Variants in NXPH2 observed in about 807,000 individuals in gnomAD.
NXPH2 encodes the protein neurexophilin-2.
In NXPH2, 5 loss-of-function variants were observed where a neutral mutation model predicts 19.8. That is an observed-to-expected ratio of 0.25 (90% CI 0.13 to 0.53). The LOEUF is 0.53. Among genes scored for constraint, NXPH2 ranks in the 20% least tolerant of loss-of-function variants. The pLI is 0.96. For missense variants in NXPH2, 289 were observed against 322.8 expected, an observed-to-expected ratio of 0.90 and a Z score of 0.80; for synonymous variants, 154 against 127.4, an observed-to-expected ratio of 1.21 and a Z score of -1.41.
At position 138,721,468 on chromosome 2, in the gene NXPH2, G is replaced by T. The variant is rs1235280687; in HGVS notation, c.52-49803C>A. 1.1e-4 allele frequency among the ~76,000 whole-genome samples: 16 copies of T among 150,340 alleles called. No homozygotes were observed. The South Asian group carries it at 3.2e-3, about 30-fold the overall frequency. ...TCATGATTTTATATTATAGAAGTTT[G>T]TTTTTTTTTAATGGAGCAAAATAAT... On this transcript the variant is annotated intron_variant, in intron 1 of 1. Transcript: ENST00000272641.
intron 1 of NXPH2, among the ~76,000 whole-genome samples, chr2:138,680,496 G>A (rs1680560307): frequency 6.6e-6 from 1 of 152,204 alleles, no homozygotes; most frequent in Admixed American, 6.5e-5. Flanking sequence ...GTACACTGCT[G>A]AGCAGGACAG....
chr2:138,775,819 G>A (rs553789588), intron 1 of NXPH2, among the ~76,000 whole-genome samples: 5 of 152,036 alleles, frequency 3.3e-5, no homozygotes, highest in South Asian at 2.1e-4. Flanking sequence ...TTTTAAAGCC[G>A]TTTTGAAATA....
intron 1 of NXPH2, among the ~76,000 whole-genome samples, chr2:138,712,676 C>A (rs980097340): frequency 9.2e-5 from 14 of 152,184 alleles, no homozygotes; most frequent in African/African-American, 3.4e-4. Context: ...CCCCTCACCC[C>A]CTTCCTATGT....
chr2:138,743,169 T>C (rs1335206954), intron 1 of NXPH2, among the ~76,000 whole-genome samples: 2 of 152,212 alleles, frequency 1.3e-5, no homozygotes. Flanking sequence ...GCAGTTAGCC[T>C]GCATTAATTA....
In NXPH2 at chr2:138,670,863, T is replaced by C; in HGVS notation, c.*59A>G. On this transcript the variant is annotated 3_prime_UTR_variant, in exon 2 of 2. Transcript: ENST00000272641. The stretch of plus-strand genomic sequence containing the variant: ...CCTTTATCATAAAGAGCTGGGCTTG[T>C]TTCTTTGTCATTCTAATCAAATACA... The C allele has an allele frequency of 6.5e-7, 1 of 1,528,748 alleles. No individual in the cohort carries two copies. Among genetic ancestry groups the C allele is most frequent in the African/African-American group, 1.4e-5 (1 of 72,680 alleles). The allele number at this position is 1,528,748 out of a possible 1,614,324, so 94.7% of individuals were successfully genotyped here. A position where few individuals can be genotyped will look rare whatever the true frequency, so the allele number is the denominator to read the frequency against.
At chr2:138,755,932 C>T (rs1181867672) in intron 1 of NXPH2, among the ~76,000 whole-genome samples, 2 of 151,486 alleles carry the variant, frequency 1.3e-5, no homozygotes, top group African/African-American at 4.8e-5. Flanking sequence ...TTTTTTGGTG[C>T]CATTGTAAAA....
At chr2:138,750,127 A>G (rs985810442) in intron 1 of NXPH2, among the ~76,000 whole-genome samples, 1 of 152,210 alleles carries the variant, frequency 6.6e-6, no homozygotes, top group Non-Finnish European at 1.5e-5. Context: ...AGGCTTCTAT[A>G]GGATAAAAAT....
At chr2:138,709,859 T>C (rs1681072121) in intron 1 of NXPH2, among the ~76,000 whole-genome samples, 1 of 152,232 alleles carries the variant, frequency 6.6e-6, no homozygotes, top group Admixed American at 6.5e-5. Flanking sequence ...TTCTTTCACC[T>C]GTGGAATAAC....
chr2:138,690,107 G>A (rs1167409942), intron 1 of NXPH2, among the ~76,000 whole-genome samples: 1 of 152,240 alleles, frequency 6.6e-6, no homozygotes, highest in Non-Finnish European at 1.5e-5. Flanking sequence ...TCCTGCAAAC[G>A]TTTTCTACTC....
At chr2:138,743,960 G>A (rs960718504) in intron 1 of NXPH2, among the ~76,000 whole-genome samples, 1 of 126,738 alleles carries the variant, frequency 7.9e-6, no homozygotes, top group Admixed American at 1.0e-4. Flanking sequence ...CCGAGATTGC[G>A]CCATTGCACT....
intron 1 of NXPH2, among the ~76,000 whole-genome samples, chr2:138,711,290 A>C (rs1251515945): frequency 6.6e-6 from 1 of 151,412 alleles, no homozygotes; most frequent in Non-Finnish European, 1.5e-5. Context: ...ACAGGCACCC[A>C]CCACCACGCC....
intron 1 of NXPH2, among the ~76,000 whole-genome samples, chr2:138,748,496 CA>C (rs1681776326): frequency 1.3e-5 from 2 of 151,950 alleles, no homozygotes; most frequent in South Asian, 4.2e-4. Context: ...AAACGGTGTG[CA>C]AAAAATGTGG....
intron 1 of NXPH2, among the ~76,000 whole-genome samples, chr2:138,694,745 A>G (rs1680804324): frequency 6.6e-6 from 1 of 152,208 alleles, no homozygotes; most frequent in Admixed American, 6.5e-5. Context: ...TGATGGTGTG[A>G]AAGTGACACA....
At chr2:138,777,831 TAAA>T (rs11299940) in intron 1 of NXPH2, among the ~76,000 whole-genome samples, 134 of 92,952 alleles carry the variant, frequency 1.4e-3, no homozygotes, top group African/African-American at 1.7e-3. Context: ...ACCAAAAAAT[TAAA>T]AAAAAAAAAA....
chr2:138,746,478 G>A (rs1261010826), intron 1 of NXPH2, among the ~76,000 whole-genome samples: 1 of 152,214 alleles, frequency 6.6e-6, no homozygotes, highest in East Asian at 1.9e-4. Context: ...ATGGTGACCT[G>A]TATCTGACTT....
At chr2:138,686,745 C>T (rs1680661649) in intron 1 of NXPH2, among the ~76,000 whole-genome samples, 3 of 152,090 alleles carry the variant, frequency 2.0e-5, no homozygotes, top group Admixed American at 6.6e-5. Context: ...TGTTCCCCTT[C>T]CTGTGTCCGT....
chr2:138,749,282 A>G lies in NXPH2; in HGVS notation c.51+30909T>C, dbSNP rs1681790276. 3.3e-5 allele frequency among the ~76,000 whole-genome samples: 5 copies of G among 152,158 alleles called. No individual in the cohort carries two copies. In the South Asian group the frequency reaches 1.0e-3, roughly 31 times the overall value. On this transcript the variant is annotated intron_variant, in intron 1 of 1. Transcript: ENST00000272641. ...TTCCAACATAATTGTAAGTTTCCTG[A>G]GGCCTCTCTAGCCATATGGAACTTT...
intron 1 of NXPH2, among the ~76,000 whole-genome samples, chr2:138,756,696 T>C (rs959680303): frequency 3.9e-5 from 6 of 152,152 alleles, no homozygotes; most frequent in African/African-American, 1.4e-4. Flanking sequence ...GATATAATAA[T>C]AGCAACTCTA....
chr2:138,742,623 G>A (rs574421908), intron 1 of NXPH2, among the ~76,000 whole-genome samples: 1 of 152,290 alleles, frequency 6.6e-6, no homozygotes, highest in South Asian at 2.1e-4. Context: ...GACACCAGCA[G>A]GGCAAATGAA....
Sources: allele counts gnomAD v4.1 joint callset (sites outside exome capture counted in the v4.1 genomes callset), GRCh38; gene constraint gnomAD v4.1.1; transcripts MANE v1.5; gene names NCBI Gene and HGNC (gene_info 2026-07-23, HGNC 2026-07-21).